Variants in SLC26A5 observed in about 807,000 individuals in gnomAD.
SLC26A5 encodes the protein prestin.
SLC26A5 carries 51 observed loss-of-function variants against 81.0 expected under a neutral mutation model. The observed-to-expected ratio is 0.63, with a 90% CI of 0.50 to 0.80. The LOEUF (loss-of-function observed/expected upper bound fraction) is 0.80. Ranked by LOEUF, SLC26A5 falls within the 30% of genes least tolerant of loss-of-function variation. The pLI is 0.00. For synonymous variants in SLC26A5, 325 were observed against 332.8 expected, an observed-to-expected ratio of 0.98 and a Z score of 0.25; for missense variants, 771 against 905.8, an observed-to-expected ratio of 0.85 and a Z score of 1.91.
intron 19 of SLC26A5, chr7:103,368,911 T>A (rs1169286776): frequency 5.6e-5 from 4 of 71,494 alleles, no homozygotes; most frequent in Non-Finnish European, 8.6e-5. Context: ...AAATAAAGGT[T>A]ATATTAGAAT....
chr7:103,444,033 G>A (rs774412179), intron 1 of SLC26A5, among the ~76,000 whole-genome samples: 1 of 152,194 alleles, frequency 6.6e-6, no homozygotes, highest in Non-Finnish European at 1.5e-5. Context: ...GTGGGGAGAA[G>A]ATAATGATGT....
At position 103,366,312 on chromosome 7, in the gene SLC26A5, G is replaced by A. The variant is rs1050017233; in HGVS notation, c.2041+10496C>T. 1.8e-5 allele frequency: 12 copies of A among 663,504 alleles called. No homozygotes were observed. In the African/African-American group the frequency reaches 2.0e-4, roughly 11 times the overall value. The allele number at this position is 663,504 out of a possible 1,614,324, so 41.1% of individuals were successfully genotyped here. ...AGTGGCGCCACAGATCTAATAAGTA[G>A]TAGTGCTAAACTATAAAGGCAAGAA... On this transcript the variant is annotated intron_variant, in intron 19 of 19. Coordinates refer to the SLC26A5 transcript ENST00000339444.
At chr7:103,366,927 C>G (rs1011265490) in intron 19 of SLC26A5, among the ~76,000 whole-genome samples, 7 of 152,284 alleles carry the variant, frequency 4.6e-5, no homozygotes, top group Non-Finnish European at 1.0e-4. Flanking sequence ...GTCTCAGCCT[C>G]CTGAGTAGCT....
downstream of SLC26A5, among the ~76,000 whole-genome samples, chr7:103,372,920 C>T (rs1224474528): frequency 3.4e-5 from 5 of 147,770 alleles, no homozygotes; most frequent in Non-Finnish European, 7.4e-5. Context: ...ATCTAATAAA[C>T]CAGTTATTTA....
chr7:103,354,921 A>G lies in SLC26A5; in HGVS notation c.2042-1995T>C, dbSNP rs1306203736. ...AGCAAGTTGAAGATGACATTCAGCA[A>G]CTTCTCAAGAAAATTAATGAGCTCA... On this transcript the variant is annotated intron_variant, in intron 19 of 19. Transcript: ENST00000339444. 3 of 1,612,804 alleles carry G rather than the reference A, an allele frequency of 1.9e-6. No homozygotes were observed. In the Admixed American group the frequency reaches 5.0e-5, roughly 27 times the overall value.
chr7:103,412,100 T>C (rs1824531219), intron 5 of SLC26A5, among the ~76,000 whole-genome samples: 1 of 152,054 alleles, frequency 6.6e-6, no homozygotes, highest in Non-Finnish European at 1.5e-5. Flanking sequence ...AGAGGAAGAA[T>C]TACCCAGACC....
intron 9 of SLC26A5, among the ~76,000 whole-genome samples, chr7:103,393,715 C>T (rs1475014524): frequency 6.6e-6 from 1 of 151,928 alleles, no homozygotes. Flanking sequence ...CCTGGAATCC[C>T]ACAATGGAGA....
chr7:103,359,298 A>G (rs1220905112), intron 19 of SLC26A5, among the ~76,000 whole-genome samples: 1 of 151,684 alleles, frequency 6.6e-6, no homozygotes, highest in Non-Finnish European at 1.5e-5. Context: ...GTGCCCAGCC[A>G]GCTTATGAAT....
intron 2 of SLC26A5, 50 bp from the exon 3 acceptor site, chr7:103,421,617 G>A: frequency 7.9e-7 from 1 of 1,268,514 alleles, no homozygotes; most frequent in Non-Finnish European, 1.1e-6. Context: ...TCCTACTGAT[G>A]ACTTTTCCTA....
intron 2 of SLC26A5, among the ~76,000 whole-genome samples, chr7:103,440,039 G>A (rs2116863111): frequency 6.6e-6 from 1 of 152,228 alleles, no homozygotes; most frequent in South Asian, 2.1e-4. Flanking sequence ...CTTCTTTCTA[G>A]ATATATTTTT....
At chr7:103,400,932 G>A (rs1823539084) in intron 8 of SLC26A5, among the ~76,000 whole-genome samples, 1 of 152,054 alleles carries the variant, frequency 6.6e-6, no homozygotes, top group Non-Finnish European at 1.5e-5. Context: ...ATCTGTTTTG[G>A]TACCAGTACC....
chr7:103,407,727 A>G, intron 8 of SLC26A5, 124 bp downstream of exon 8: 2 of 1,119,214 alleles, frequency 1.8e-6, no homozygotes, highest in Non-Finnish European at 2.6e-6. Flanking sequence ...AATTTGACAA[A>G]TTGTAACCTT....
chr7:103,443,352 A>C, intron 1 of SLC26A5, 141 bp from the exon 2 acceptor site: 1 of 152,252 alleles, frequency 6.6e-6, no homozygotes, highest in East Asian at 1.9e-4. Flanking sequence ...AGCTACTGCT[A>C]TCACAGTGGC....
At chr7:103,440,523 T>C (rs893578592) in intron 2 of SLC26A5, among the ~76,000 whole-genome samples, 5 of 152,210 alleles carry the variant, frequency 3.3e-5, no homozygotes, top group African/African-American at 1.2e-4. Context: ...TTATGACAAA[T>C]CTATCTTTTC....
At chr7:103,426,943 C>T (rs1207155281) in intron 2 of SLC26A5, among the ~76,000 whole-genome samples, 1 of 152,174 alleles carries the variant, frequency 6.6e-6, no homozygotes, top group Non-Finnish European at 1.5e-5. Context: ...TAAAGGGACA[C>T]ATCTTCTGGC....
intron 19 of SLC26A5, among the ~76,000 whole-genome samples, chr7:103,363,960 G>T (rs1330391482): frequency 6.6e-6 from 1 of 152,168 alleles, no homozygotes; most frequent in Non-Finnish European, 1.5e-5. Flanking sequence ...TTATGTCTTA[G>T]AATAAGTAAA....
At chr7:103,417,934 T>C (rs373165031) in intron 4 of SLC26A5, among the ~76,000 whole-genome samples, 4 of 152,216 alleles carry the variant, frequency 2.6e-5, no homozygotes, top group African/African-American at 4.8e-5. Context: ...TTTTAGTAGA[T>C]ATGGGTTTCA....
chr7:103,432,815 G>C (rs896278948), intron 2 of SLC26A5, among the ~76,000 whole-genome samples: 1 of 152,048 alleles, frequency 6.6e-6, no homozygotes, highest in African/African-American at 2.4e-5. Flanking sequence ...CTTAAGTCGT[G>C]ATGTGTTTTT....
chr7:103,371,540 T>C (rs1821039574), downstream of SLC26A5, among the ~76,000 whole-genome samples: 2 of 151,936 alleles, frequency 1.3e-5, no homozygotes, highest in South Asian at 4.2e-4. Context: ...TTAGCCAGGA[T>C]GATCTCAATC....
Sources: gnomAD v4.1 joint callset for allele counts (sites outside exome capture counted in the v4.1 genomes callset) on GRCh38, gnomAD v4.1.1 for gene constraint, MANE v1.5 for transcripts, NCBI Gene and HGNC (gene_info 2026-07-23, HGNC 2026-07-21) for gene names.